LGALS14: variants seen among roughly 807,000 people sequenced by gnomAD.
The protein encoded by LGALS14 is galectin 14.
In LGALS14, 14 loss-of-function variants were observed where a neutral mutation model predicts 14.6. The ratio of observed to expected loss-of-function variants is 0.96; its 90% confidence interval spans 0.64 to 1.50. The LOEUF (loss-of-function observed/expected upper bound fraction) is 1.50. Among genes scored for constraint, LGALS14 ranks in the 40% most tolerant of loss-of-function variants. The pLI, the probability that LGALS14 is intolerant of heterozygous loss-of-function variation, is 0.00. For synonymous variants in LGALS14, 57 were observed against 63.9 expected, an observed-to-expected ratio of 0.89 and a Z score of 0.51; for missense variants, 180 against 172.0, an observed-to-expected ratio of 1.05 and a Z score of -0.26.
intron 2 of LGALS14, 40 bp from the exon 3 acceptor site, chr19:39,707,138 T>A (rs777982672): frequency 2.7e-6 from 4 of 1,491,042 alleles, no homozygotes; most frequent in Non-Finnish European, 3.7e-6. Flanking sequence ...GTCTGCACAA[T>A]GGGGGGACCT....
chr19:39,706,083 T>A, intron 1 of LGALS14: 1 of 1,586,908 alleles, frequency 6.3e-7, no homozygotes, highest in South Asian at 1.1e-5. Context: ...AAGTGTTGTT[T>A]CTCACTGGAG....
intron 2 of LGALS14, 59 bp from the exon 3 acceptor site, chr19:39,707,119 C>A (rs988998653): frequency 1.6e-6 from 2 of 1,280,164 alleles, no homozygotes; most frequent in Non-Finnish European, 2.3e-6. Flanking sequence ...GTGTGTGTGG[C>A]GAGTGTGTGT....
At chr19:39,709,156 T>C (rs755258719) in intron 3 of LGALS14, 41 bp from the exon 4 acceptor site, 1 of 1,249,436 alleles carries the variant, frequency 8.0e-7, no homozygotes, top group Non-Finnish European at 1.2e-6. Context: ...AAAACCTGTT[T>C]GGTGGCATGC....
intron 1 of LGALS14, chr19:39,706,036 T>C (rs755616522): frequency 6.2e-7 from 1 of 1,610,436 alleles, no homozygotes; most frequent in East Asian, 2.2e-5. Context: ...CACACAGGGG[T>C]TTCCTGTTCT....
At chr19:39,706,020 A>G in intron 1 of LGALS14, 1 of 1,613,438 alleles carries the variant, frequency 6.2e-7, no homozygotes, top group Non-Finnish European at 8.5e-7. Flanking sequence ...GTGCGTGTAC[A>G]TCCCACACAC....
chr19:39,709,359 C>G lies in LGALS14; in HGVS notation c.*46C>G, dbSNP rs1973765261. 9.1e-7 allele frequency: 1 copy of G among 1,096,452 alleles called. No individual in the cohort carries two copies. Among genetic ancestry groups the G allele is most frequent in the South Asian group, 1.2e-5 (1 of 80,450 alleles). The allele number at this position is 1,096,452 out of a possible 1,614,324, so 67.9% of individuals were successfully genotyped here. On this transcript the variant is annotated 3_prime_UTR_variant, in exon 4 of 4. Coordinates refer to ENST00000392052, the MANE Select transcript of LGALS14 (RefSeq NM_020129.3). ...ATTGTTGAGGAATCCCTCTTTCTACCTGACCATGGGATTCCCAGAGCCTAC... is the reference window on the plus strand; with the variant it reads ...ATTGTTGAGGAATCCCTCTTTCTACGTGACCATGGGATTCCCAGAGCCTAC...
chr19:39,705,965 G>A (rs1395073883), intron 1 of LGALS14: 2 of 1,613,830 alleles, frequency 1.2e-6, no homozygotes, highest in African/African-American at 1.3e-5. Flanking sequence ...TGTCAGTAAT[G>A]TGTGCCGCTT....
intron 1 of LGALS14, among the ~76,000 whole-genome samples, chr19:39,705,443 A>G (rs1973699475): frequency 6.6e-6 from 1 of 152,212 alleles, no homozygotes; most frequent in Non-Finnish European, 1.5e-5. Flanking sequence ...AGACGGAATC[A>G]AACAAAATAT....
chr19:39,704,995 G>A (rs568591145), intron 1 of LGALS14, among the ~76,000 whole-genome samples: 2 of 152,194 alleles, frequency 1.3e-5, no homozygotes, highest in East Asian at 3.9e-4. Context: ...TGTGACTATG[G>A]GTGTGTGTGC....
chr19:39,706,013 C>T (rs745729402), intron 1 of LGALS14: 6 of 1,613,618 alleles, frequency 3.7e-6, no homozygotes, highest in South Asian at 1.1e-5. Flanking sequence ...GATTGTGGTG[C>T]GTGTACATCC....
intron 3 of LGALS14, 73 bp downstream of exon 3, chr19:39,707,461 G>T: frequency 8.4e-7 from 1 of 1,189,006 alleles, no homozygotes; most frequent in Non-Finnish European, 1.2e-6. Flanking sequence ...TCATTGACCT[G>T]GTGCCACCAG....
chr19:39,708,481 C>A (rs1973751343), intron 3 of LGALS14, among the ~76,000 whole-genome samples: 1 of 152,060 alleles, frequency 6.6e-6, no homozygotes, highest in Admixed American at 6.6e-5. Context: ...AAAAACAGCT[C>A]AAAAATGTGT....
In LGALS14 at chr19:39,704,523, A is replaced by C; in HGVS notation, c.-6A>C. 1 of 1,613,742 alleles carries C rather than the reference A, an allele frequency of 6.2e-7. No individual in the cohort carries two copies. The highest frequency in any genetic ancestry group is 1.7e-5 in the Admixed American group (1 of 60,006). Reference sequence around the variant, plus strand: ...ATTCCGAAGAGCTGCCCAGAAGGAGAGAACAATGTCATCACTACCCGTGAG... The same window carrying C: ...ATTCCGAAGAGCTGCCCAGAAGGAGCGAACAATGTCATCACTACCCGTGAG... On this transcript the variant is annotated 5_prime_UTR_variant, in exon 1 of 4. Coordinates refer to ENST00000392052, the MANE Select transcript of LGALS14 (RefSeq NM_020129.3).
chr19:39,705,137 G>C (rs577200278), intron 1 of LGALS14, among the ~76,000 whole-genome samples: 2 of 152,194 alleles, frequency 1.3e-5, no homozygotes, highest in Non-Finnish European at 2.9e-5. Context: ...TGGATCCCAA[G>C]TGGCTTAACT....
intron 2 of LGALS14, among the ~76,000 whole-genome samples, chr19:39,706,918 G>A (rs938662289): frequency 5.3e-5 from 8 of 152,156 alleles, no homozygotes; most frequent in African/African-American, 1.9e-4. Flanking sequence ...TTTATTAAAG[G>A]GCATAGAATT....
At position 39,706,688 on chromosome 19, in the gene LGALS14, G is replaced by T. The variant is rs758033774; in HGVS notation, c.92+15G>T. On this transcript the variant is annotated intron_variant, in intron 2 of 3. Transcript: ENST00000392052. ...CTCACTTTTGTGTGAGTACTCCATGGTCCAATGGAGGGGGTGGAGGAGAGA... is the reference window on the plus strand; with the variant it reads ...CTCACTTTTGTGTGAGTACTCCATGTTCCAATGGAGGGGGTGGAGGAGAGA... 2 of 1,586,384 alleles carry T rather than the reference G, an allele frequency of 1.3e-6. No homozygotes were observed. The highest frequency in any genetic ancestry group is 2.2e-5 in the East Asian group (1 of 44,748).
chr19:39,708,067 C>T (rs947111467), intron 3 of LGALS14, among the ~76,000 whole-genome samples: 3 of 152,180 alleles, frequency 2.0e-5, no homozygotes, highest in Non-Finnish European at 2.9e-5. Flanking sequence ...ACCTTGGCCT[C>T]CCAAAATACT....
chr19:39,707,486 T>C, intron 3 of LGALS14, 98 bp downstream of exon 3: 1 of 928,332 alleles, frequency 1.1e-6, no homozygotes, highest in Non-Finnish European at 1.7e-6. Flanking sequence ...TTGGGGCCCA[T>C]CTTCCATAAC....
rs541980837 is a variant in LGALS14 at position 39,709,234 on chromosome 19, A to G, written c.341A>G (p.His114Arg). ...GGCCAACGCATTTACAACTTTGCCCATCGATTCCCGCCAGCATCTGTGAAG... is the reference window on the plus strand; with the variant it reads ...GGCCAACGCATTTACAACTTTGCCCGTCGATTCCCGCCAGCATCTGTGAAG... ...VNGQRIYNFA[H>R]RFPPASVKML... The change falls in exon 4 of 4, where the codon CAT (histidine) becomes CGT (arginine). Residue 114 changes from histidine (H) to arginine (R), a missense_variant. Transcript: ENST00000392052. 2.0e-5 allele frequency: 33 copies of G among 1,613,706 alleles called. No homozygotes were observed. Among genetic ancestry groups the G allele is most frequent in the South Asian group, 1.8e-4 (16 of 91,070 alleles).
Sources: gnomAD v4.1 joint callset for allele counts (sites outside exome capture counted in the v4.1 genomes callset) on GRCh38, gnomAD v4.1.1 for gene constraint, MANE v1.5 for transcripts, NCBI Gene and HGNC (gene_info 2026-07-23, HGNC 2026-07-21) for gene names.